Variants in DTNBP1 observed in about 807,000 individuals in gnomAD.
DTNBP1 encodes the protein dystrobrevin binding protein 1, also known as dysbindin.
Under a neutral mutation model 42.8 loss-of-function variants are expected in DTNBP1, and 35 were observed. The ratio of observed to expected loss-of-function variants is 0.82; its 90% CI spans 0.63 to 1.09. DTNBP1 has a LOEUF of 1.09. Ranked by LOEUF, DTNBP1 falls within the 50% of genes least tolerant of loss-of-function variation. The pLI is 0.00. For missense variants in DTNBP1, 457 were observed against 424.2 expected (o/e 1.08, Z -0.68); for synonymous variants, 171 against 162.2 (o/e 1.05, Z -0.41).
rs1776069805 is a variant in DTNBP1 at position 15,586,119 on chromosome 6, G to A, written c.511+6940C>T. The A allele has an allele frequency of 5.9e-6, 5 of 852,330 alleles. No homozygotes were observed. The South Asian group carries it at 2.8e-4, about 47-fold the overall frequency. 52.8% of individuals were successfully genotyped at this position (852,330 alleles called of 1,614,324 possible). A position where few individuals can be genotyped will look rare whatever the true frequency, so the allele number is the denominator to read the frequency against. On this transcript the variant is annotated intron_variant, in intron 7 of 9. Coordinates refer to ENST00000344537, the MANE Select transcript of DTNBP1 (RefSeq NM_032122.5). The stretch of plus-strand genomic sequence containing the variant: ...ACAGAATTTGTCATCTAGGTACAAA[G>A]ATGCTTTAGTAACACAGCAAAAGAG...
chr6:15,585,715 CT>C, intron 7 of DTNBP1: 1 of 1,534,816 alleles, frequency 6.5e-7, no homozygotes, highest in African/African-American at 1.4e-5. Context: ...AAAGTTCCAC[CT>C]ACAGGGATCC....
At chr6:15,525,664 GCACAGT>G (rs1159555991) in intron 8 of DTNBP1, among the ~76,000 whole-genome samples, 1 of 152,160 alleles carries the variant, frequency 6.6e-6, no homozygotes, top group African/African-American at 2.4e-5. Flanking sequence ...CAAACTCGGG[GCACAGT>G]CACAGCCCAA....
intron 1 of DTNBP1, among the ~76,000 whole-genome samples, chr6:15,654,912 T>A (rs1387541679): frequency 6.6e-6 from 1 of 152,246 alleles, no homozygotes; most frequent in African/African-American, 2.4e-5. Context: ...TTATTAGTTA[T>A]GACATCAGCA....
intron 5 of DTNBP1, among the ~76,000 whole-genome samples, chr6:15,625,503 C>G (rs1302387594): frequency 1.3e-5 from 2 of 152,156 alleles, no homozygotes; most frequent in Non-Finnish European, 2.9e-5. Context: ...AGCCAAAATG[C>G]AGTTTCTGAA....
chr6:15,576,222 G>A (rs1319595181), intron 7 of DTNBP1, among the ~76,000 whole-genome samples: 1 of 151,812 alleles, frequency 6.6e-6, no homozygotes, highest in Admixed American at 6.6e-5. Flanking sequence ...GAGTTAAAGC[G>A]ATTCTCCTGC....
At chr6:15,612,680 C>T (rs1433662935) in intron 6 of DTNBP1, among the ~76,000 whole-genome samples, 1 of 152,170 alleles carries the variant, frequency 6.6e-6, no homozygotes, top group Admixed American at 6.5e-5. Context: ...CTATAATGTA[C>T]TGTACTATTA....
intron 7 of DTNBP1, chr6:15,585,920 T>C: frequency 7.2e-7 from 1 of 1,392,216 alleles, no homozygotes; most frequent in Non-Finnish European, 9.3e-7. Context: ...GTAGTAAGCC[T>C]ATTAGTTTTT....
Position 15,638,516 on chromosome 6 carries a change from A to T in DTNBP1, c.162-712T>A, listed in dbSNP as rs1247195837. ...TAAAAAGAATTTTAATGGATGATAC[A>T]ACTAGTGGGTAAAAGCACAAAAAGA... is the stretch of plus-strand genomic sequence containing the variant. On this transcript the variant is annotated intron_variant, in intron 3 of 9. Transcript: ENST00000344537. 2.6e-5 allele frequency among the ~76,000 whole-genome samples: 4 copies of T among 152,244 alleles called. No homozygotes were observed. In the East Asian group the frequency reaches 5.8e-4, roughly 22 times the overall value.
At chr6:15,639,835 G>A (rs937490750) in intron 3 of DTNBP1, among the ~76,000 whole-genome samples, 1 of 152,044 alleles carries the variant, frequency 6.6e-6, no homozygotes, top group South Asian at 2.1e-4. Context: ...AGGACTTCGT[G>A]GTAAAATTTT....
At chr6:15,631,134 C>T (rs1358362164) in intron 4 of DTNBP1, among the ~76,000 whole-genome samples, 1 of 152,142 alleles carries the variant, frequency 6.6e-6, no homozygotes, top group African/African-American at 2.4e-5. Flanking sequence ...CATGAGCGGT[C>T]TGACAAAATA....
intron 7 of DTNBP1, among the ~76,000 whole-genome samples, chr6:15,558,218 T>C (rs1238382512): frequency 5.9e-5 from 9 of 152,018 alleles, no homozygotes; most frequent in Non-Finnish European, 1.2e-4. Context: ...ATTGTCTTGT[T>C]TTGATCCTCT....
chr6:15,531,168 C>A (rs1350554458), intron 8 of DTNBP1, among the ~76,000 whole-genome samples: 1 of 152,192 alleles, frequency 6.6e-6, no homozygotes, highest in Non-Finnish European at 1.5e-5. Flanking sequence ...GCATGCTGAT[C>A]TTGGATCTGA....
intron 4 of DTNBP1, among the ~76,000 whole-genome samples, chr6:15,631,836 C>T (rs890869607): frequency 1.3e-5 from 2 of 152,090 alleles, no homozygotes; most frequent in African/African-American, 2.4e-5. Context: ...TACTTAATGC[C>T]AACTCATTTT....
In DTNBP1 at chr6:15,611,766, G is replaced by C. The variant is rs117232545; in HGVS notation, c.488+3501C>G. 4.1e-4 allele frequency among the ~76,000 whole-genome samples: 63 copies of C among 152,312 alleles called. No homozygotes were observed. The East Asian group carries it at 0.011, about 26-fold the overall frequency. On this transcript the variant is annotated intron_variant, in intron 6 of 9. Transcript: ENST00000344537. ...TGTGGTAGAAATAGCAAGAGAACTAGAATTAGAAGTGAAGCCTGAAGATAC... is the reference window on the plus strand; with the variant it reads ...TGTGGTAGAAATAGCAAGAGAACTACAATTAGAAGTGAAGCCTGAAGATAC...
chr6:15,560,407 A>C (rs12199985), intron 7 of DTNBP1, among the ~76,000 whole-genome samples: 3 of 152,236 alleles, frequency 2.0e-5, no homozygotes, highest in Non-Finnish European at 4.4e-5. Flanking sequence ...TCCTGTAAAC[A>C]AAATTTGAAG....
In DTNBP1 at chr6:15,528,587, G is replaced by A. The variant is rs191759137; in HGVS notation, c.668-3918C>T. 4.4e-3 allele frequency among the ~76,000 whole-genome samples: 663 copies of A among 152,264 alleles called. 2 individuals carry two copies. Among genetic ancestry groups the A allele is most frequent in the Non-Finnish European group, 6.6e-3 (450 of 68,022 alleles). The stretch of plus-strand genomic sequence containing the variant: ...ATATACAGAAACTGCCAAAGGTGTC[G>A]TTTCATTCCAACAGATTAGCAAAAA... On this transcript the variant is annotated intron_variant, in intron 8 of 9. Transcript: ENST00000344537.
intron 1 of DTNBP1, among the ~76,000 whole-genome samples, chr6:15,654,313 A>G (rs1189020346): frequency 3.3e-5 from 5 of 152,194 alleles, no homozygotes; most frequent in Non-Finnish European, 7.4e-5. Context: ...GCCATGCTCT[A>G]CCATTTCCAC....
intron 5 of DTNBP1, among the ~76,000 whole-genome samples, chr6:15,618,593 G>A (rs1271633167): frequency 6.6e-6 from 1 of 151,434 alleles, no homozygotes; most frequent in Non-Finnish European, 1.5e-5. Flanking sequence ...TGTCAAGAAC[G>A]CGGAGAAACG....
intron 1 of DTNBP1, among the ~76,000 whole-genome samples, chr6:15,655,998 C>T (rs1056356277): frequency 8.5e-5 from 13 of 152,242 alleles, no homozygotes; most frequent in Middle Eastern, 3.4e-3. Context: ...TTCCAGTTTC[C>T]TCAAATGTAA....
Sources: allele counts gnomAD v4.1 joint callset (sites outside exome capture counted in the v4.1 genomes callset), GRCh38; gene constraint gnomAD v4.1.1; transcripts MANE v1.5; gene names NCBI Gene and HGNC (gene_info 2026-07-23, HGNC 2026-07-21).